Variants in RBM43 observed in about 807,000 individuals in gnomAD.
RBM43 encodes the protein RNA binding motif protein 43.
A neutral mutation model predicts 12.4 loss-of-function variants in RBM43; 12 were observed. The observed-to-expected ratio is 0.97, with a 90% CI of 0.62 to 1.57. The LOEUF (loss-of-function observed/expected upper bound fraction) is 1.57. Ranked by LOEUF, RBM43 falls within the 40% of genes most tolerant of loss-of-function variation. The pLI is 0.00. For missense variants in RBM43, 348 were observed against 400.1 expected (o/e 0.87, Z 1.11); for synonymous variants, 138 against 145.7 (o/e 0.95, Z 0.38).
At chr2:151,259,764 A>G (rs943599296) in intron 1 of RBM43, among the ~76,000 whole-genome samples, 6 of 152,236 alleles carry the variant, frequency 3.9e-5, no homozygotes, top group Non-Finnish European at 7.3e-5. Flanking sequence ...GGCATAAAGA[A>G]AAACTTTATT....
At chr2:151,254,727 T>C (rs1234371587) in intron 2 of RBM43, among the ~76,000 whole-genome samples, 1 of 152,130 alleles carries the variant, frequency 6.6e-6, no homozygotes, top group African/African-American at 2.4e-5. Context: ...AAGTCAGGGA[T>C]TGGGTGCAGG....
chr2:151,261,608 C>G, intron 1 of RBM43, 117 bp downstream of exon 1: 2 of 1,538,912 alleles, frequency 1.3e-6, no homozygotes, highest in Non-Finnish European at 8.8e-7. Flanking sequence ...GCGCCGCCCC[C>G]TCCCGCGCAG....
intron 1 of RBM43, among the ~76,000 whole-genome samples, chr2:151,256,701 C>G (rs1682980326): frequency 6.6e-6 from 1 of 152,156 alleles, no homozygotes. Flanking sequence ...CGCCTGTAAT[C>G]CCAGCTACTC....
At chr2:151,252,465 G>C (rs1682914394) in intron 3 of RBM43, among the ~76,000 whole-genome samples, 1 of 152,186 alleles carries the variant, frequency 6.6e-6, no homozygotes, top group Non-Finnish European at 1.5e-5. Flanking sequence ...AGAGTTTAGA[G>C]TGAGCCAAGA....
chr2:151,261,554 T>G (rs1262408502), intron 1 of RBM43, 171 bp downstream of exon 1: 1 of 1,543,522 alleles, frequency 6.5e-7, no homozygotes, highest in African/African-American at 1.4e-5. Flanking sequence ...CCCGCCGGGG[T>G]GGACGGCTCT....
intron 2 of RBM43, among the ~76,000 whole-genome samples, chr2:151,253,888 C>G (rs35058039): frequency 0.32 from 48,246 of 151,810 alleles, 8,764 homozygotes; most frequent in South Asian, 0.44. Context: ...TTACCAGTCC[C>G]TCCCTTGGCC....
At position 151,252,864 on chromosome 2, in the gene RBM43, A is replaced by C; in HGVS notation, c.215-9T>G. 1 of 1,467,076 alleles carries C rather than the reference A, an allele frequency of 6.8e-7. No homozygotes were observed. The highest frequency in any genetic ancestry group is 9.5e-7 in the Non-Finnish European group (1 of 1,048,844). 90.9% of individuals were successfully genotyped at this position (1,467,076 alleles called of 1,614,324 possible). A position where few individuals can be genotyped will look rare whatever the true frequency, so the allele number is the denominator to read the frequency against. ...GATGACATTCTCTGCAACTAAGTGG[A>C]AACACTGGCATCAGAAGTGTTTATG... On this transcript the variant is annotated splice_polypyrimidine_tract_variant and intron_variant, in intron 2 of 3. Transcript: ENST00000331426.
At chr2:151,256,101 A>G (rs1349607152) in intron 1 of RBM43, among the ~76,000 whole-genome samples, 1 of 151,962 alleles carries the variant, frequency 6.6e-6, no homozygotes, top group African/African-American at 2.4e-5. Flanking sequence ...AGCTGGGATT[A>G]CAGGTGCCCA....
chr2:151,254,854 G>A (rs1293195195), intron 2 of RBM43, among the ~76,000 whole-genome samples: 1 of 152,058 alleles, frequency 6.6e-6, no homozygotes, highest in Non-Finnish European at 1.5e-5. Flanking sequence ...TATAATTGAG[G>A]CCACCTGAAA....
chr2:151,251,044 T>G lies in RBM43; in HGVS notation c.936A>C (p.Ala312=). Residue 312 remains alanine, a synonymous_variant, in exon 4 of 4, where the codon GCA becomes GCC. Transcript: ENST00000331426. ...ENREKRMIKR[A]CEQLSSRYLE... The stretch of plus-strand genomic sequence containing the variant: ...GGTATCTCGAACTTAATTGTTCACA[T>G]GCCCTTTTGATCATTCTTTTCTCTC... The G allele has an allele frequency of 6.2e-7, 1 of 1,614,162 alleles. No homozygotes were observed. The highest frequency in any genetic ancestry group is 1.1e-5 in the South Asian group (1 of 91,090).
chr2:151,252,698 C>T lies in RBM43; in HGVS notation c.315+57G>A, dbSNP rs541172127. Reference sequence around the variant, plus strand: ...TTTGTGTCGCCTGCCATAAGAAAAACTTCAAAAAAGAAATGGGATACAGGA... The same window carrying T: ...TTTGTGTCGCCTGCCATAAGAAAAATTTCAAAAAAGAAATGGGATACAGGA... On this transcript the variant is annotated intron_variant, in intron 3 of 3. Transcript: ENST00000331426. 5.9e-5 allele frequency: 57 copies of T among 970,676 alleles called. No individual in the cohort carries two copies. The South Asian group carries it at 8.3e-4, about 14-fold the overall frequency. The allele number at this position is 970,676 out of a possible 1,614,324, so 60.1% of individuals were successfully genotyped here.
In RBM43 at chr2:151,259,968, C is replaced by T. The variant is rs1008691324; in HGVS notation, c.3+1757G>A. Among the ~76,000 whole-genome samples the T allele has an allele frequency of 1.1e-3, 163 of 150,804 alleles. 1 individual carries two copies. The highest frequency in any genetic ancestry group is 3.7e-3 in the African/African-American group (154 of 41,156). ...GCAACCTCCACCTCCCGGGTTCAAG[C>T]GATTCTCCTGCCCCAGCCTCCTGAG... On this transcript the variant is annotated intron_variant, in intron 1 of 3. Transcript: ENST00000331426.
rs754756064 is a variant in RBM43, at chr2:151,252,810, T to A, written c.260A>T (p.Lys87Met). Reference sequence around the variant, plus strand: ...GACTGTGAGTTCAGCATGTCTAGTCTTCCTTGCTAGCCAGTGTTTCTTTTG... The same window carrying A: ...GACTGTGAGTTCAGCATGTCTAGTCATCCTTGCTAGCCAGTGTTTCTTTTG... ...IRQKKHWLAR[K>M]TRHAELTVSL... Residue 87 changes from lysine to methionine, a missense_variant, in exon 3 of 4, where the codon AAG becomes ATG. Lys to Met is a moderately conservative substitution (Grantham distance 95, BLOSUM62 -1). Coordinates refer to ENST00000331426, the MANE Select transcript of RBM43 (RefSeq NM_198557.3). 1.2e-6 allele frequency: 2 copies of A among 1,612,182 alleles called. No homozygotes were observed. Among genetic ancestry groups the A allele is most frequent in the South Asian group, 2.2e-5 (2 of 91,022 alleles).
chr2:151,258,802 C>A (rs926007885), intron 1 of RBM43, among the ~76,000 whole-genome samples: 4 of 152,064 alleles, frequency 2.6e-5, no homozygotes, highest in African/African-American at 9.7e-5. Flanking sequence ...GGGGCCCCAG[C>A]CTAAAAATCA....
At chr2:151,254,975 C>T (rs1682952949) in intron 2 of RBM43, among the ~76,000 whole-genome samples, 1 of 152,042 alleles carries the variant, frequency 6.6e-6, no homozygotes, top group Admixed American at 6.5e-5. Flanking sequence ...ACACTTTCAC[C>T]CCAAGATATA....
In RBM43 at chr2:151,248,109, T is replaced by C. The variant is rs1482113012; in HGVS notation, c.*2797A>G. ...ATCTTATAAAGGCTGTAAATCAAAT[T>C]TGGGATAAAGCAGTTTGAGTCACTC... is the stretch of plus-strand genomic sequence containing the variant. On this transcript the variant is annotated 3_prime_UTR_variant, in exon 4 of 4. Transcript: ENST00000331426. 6.6e-6 allele frequency: 1 copy of C among 152,068 alleles called. No individual in the cohort carries two copies. The highest frequency in any genetic ancestry group is 1.5e-5 in the Non-Finnish European group (1 of 67,976). 9.4% of individuals were successfully genotyped at this position (152,068 alleles called of 1,614,324 possible). A position where few individuals can be genotyped will look rare whatever the true frequency, so the allele number is the denominator to read the frequency against.
Position 151,250,897 on chromosome 2 carries a change from G to A in RBM43, c.*9C>T, listed in dbSNP as rs750020375. The A allele has an allele frequency of 1.9e-6, 3 of 1,573,784 alleles. No homozygotes were observed. The highest frequency in any genetic ancestry group is 2.6e-6 in the Non-Finnish European group (3 of 1,160,422). ...AAGCAGCCCTTATGACTATATTGCTGAGATTTTATTAACTAACCTTTTGCC... is the reference window on the plus strand; with the variant it reads ...AAGCAGCCCTTATGACTATATTGCTAAGATTTTATTAACTAACCTTTTGCC... On this transcript the variant is annotated 3_prime_UTR_variant, in exon 4 of 4. Transcript: ENST00000331426.
In RBM43 at chr2:151,250,994, C is replaced by G; in HGVS notation, c.986G>C (p.Arg329Thr). 1 of 1,613,388 alleles carries G rather than the reference C, an allele frequency of 6.2e-7. No homozygotes were observed. The highest frequency in any genetic ancestry group is 8.5e-7 in the Non-Finnish European group (1 of 1,179,404). ...AGATCCTATAATGTCAATGTGTGTC[C>G]TATAAAGGTTAATCAGGACTTCAAG... ...RYLEVLINLY[R>T]THIDIIGSSS... Residue 329 changes from arginine to threonine, a missense_variant, in exon 4 of 4, where the codon AGG becomes ACG. Transcript: ENST00000331426.
chr2:151,257,345 C>T (rs1290917662), intron 1 of RBM43, among the ~76,000 whole-genome samples: 1 of 152,210 alleles, frequency 6.6e-6, no homozygotes, highest in Non-Finnish European at 1.5e-5. Context: ...CACACACACA[C>T]ACACACAGTG....
Sources: gnomAD v4.1 joint callset for allele counts (sites outside exome capture counted in the v4.1 genomes callset) on GRCh38, gnomAD v4.1.1 for gene constraint, MANE v1.5 for transcripts, NCBI Gene and HGNC (gene_info 2026-07-23, HGNC 2026-07-21) for gene names.